The following RBPJ variants were observed in gnomAD, a reference collection of about 807,000 sequenced individuals.
RBPJ encodes recombining binding protein suppressor of hairless.
RBPJ carries 9 observed loss-of-function variants against 67.8 expected under a neutral mutation model. The observed-to-expected ratio is 0.13, with a 90% CI of 0.08 to 0.23. The LOEUF (loss-of-function observed/expected upper bound fraction) is 0.23. Among genes scored for constraint, RBPJ ranks in the 10% least tolerant of loss-of-function variants. The pLI is 1.00. For synonymous variants in RBPJ, 198 were observed against 203.3 expected (o/e 0.97, Z 0.22); for missense variants, 305 against 595.6 (o/e 0.51, Z 5.08).
chr4:26,294,459 C>T (rs1721792897), intron 1 of RBPJ, among the ~76,000 whole-genome samples: 1 of 152,014 alleles, frequency 6.6e-6, no homozygotes, highest in Admixed American at 6.6e-5. Context: ...CTCCAGATGT[C>T]GTGTAGAGAG....
chr4:26,356,571 TTCTTTA>T (rs2109471209), intron 1 of RBPJ, among the ~76,000 whole-genome samples: 1 of 152,366 alleles, frequency 6.6e-6, no homozygotes, highest in Admixed American at 6.5e-5. Context: ...AGTTTGGGTT[TTCTTTA>T]TCTTTACTTT....
At chr4:26,309,842 T>G (rs1045467805) in intron 1 of RBPJ, among the ~76,000 whole-genome samples, 2 of 152,228 alleles carry the variant, frequency 1.3e-5, no homozygotes, top group Non-Finnish European at 2.9e-5. Context: ...GTTCATGTTA[T>G]AAAAAGAACA....
At chr4:26,171,207 G>A (rs964095263) in intron 1 of RBPJ, among the ~76,000 whole-genome samples, 1 of 152,136 alleles carries the variant, frequency 6.6e-6, no homozygotes, top group African/African-American at 2.4e-5. Context: ...AGTTTCACAT[G>A]AAATATTTCT....
At chr4:26,365,373 T>A (rs1451780019) in intron 1 of RBPJ, among the ~76,000 whole-genome samples, 1 of 152,206 alleles carries the variant, frequency 6.6e-6, no homozygotes, top group Non-Finnish European at 1.5e-5. Flanking sequence ...TTATCCATGA[T>A]CATCTTATCC....
At chr4:26,255,637 C>A (rs1179316112) in intron 1 of RBPJ, among the ~76,000 whole-genome samples, 1 of 150,098 alleles carries the variant, frequency 6.7e-6, no homozygotes, top group Non-Finnish European at 1.5e-5. Context: ...CCCGTCTCTA[C>A]TAAAAATACA....
At chr4:26,218,226 T>G (rs1280806925) in intron 1 of RBPJ, among the ~76,000 whole-genome samples, 1 of 152,190 alleles carries the variant, frequency 6.6e-6, no homozygotes, top group Admixed American at 6.5e-5. Context: ...CTGTCGCCGG[T>G]GGGTACGTGC....
chr4:26,277,861 T>C lies in RBPJ; in HGVS notation c.-166-84585T>C, dbSNP rs191816897. Among the ~76,000 whole-genome samples the C allele has an allele frequency of 1.2e-4, 19 of 152,386 alleles. No individual in the cohort carries two copies. In the East Asian group the frequency reaches 3.7e-3, roughly 29 times the overall value. The stretch of plus-strand genomic sequence containing the variant: ...TGTATTACTCTCTCCCATAGGTTTC[T>C]ATCGGGCTTTAAAATATTCGATTCA... On this transcript the variant is annotated intron_variant, in intron 1 of 4. Transcript: ENST00000512351.
Position 26,264,838 on chromosome 4 carries a change from G to T in RBPJ, c.-166-97608G>T, listed in dbSNP as rs1720653896. 6.6e-6 allele frequency among the ~76,000 whole-genome samples: 1 copy of T among 152,150 alleles called. No homozygotes were observed. Among genetic ancestry groups the T allele is most frequent in the Non-Finnish European group, 1.5e-5 (1 of 68,016 alleles). Reference sequence around the variant, plus strand: ...TGGTTTGCCTTAAGTTATTGTAGAGGCAAAGAAAATTTCCTTCTCCTTTTG... The same window carrying T: ...TGGTTTGCCTTAAGTTATTGTAGAGTCAAAGAAAATTTCCTTCTCCTTTTG... On this transcript the variant is annotated intron_variant, in intron 1 of 4. Transcript: ENST00000512351. The surrounding 1 kb of genome is among the most constrained non-coding windows in gnomAD (Gnocchi z 4.1).
At chr4:26,179,826 C>G (rs1459175374) in intron 1 of RBPJ, among the ~76,000 whole-genome samples, 4 of 152,102 alleles carry the variant, frequency 2.6e-5, no homozygotes, top group African/African-American at 9.7e-5. Context: ...GGTATATACC[C>G]AAAGGACTAT....
intron 1 of RBPJ, among the ~76,000 whole-genome samples, chr4:26,364,609 T>C (rs1728422338): frequency 1.3e-5 from 2 of 151,398 alleles, no homozygotes; most frequent in Admixed American, 1.3e-4. Context: ...TTTTTTTTTT[T>C]TTTCTTTTTC....
chr4:26,402,841 A>G (rs1399103863), intron 2 of RBPJ, among the ~76,000 whole-genome samples: 2 of 152,168 alleles, frequency 1.3e-5, no homozygotes, highest in East Asian at 1.9e-4. Flanking sequence ...ATGCATAGAT[A>G]CTTCCAACAG....
chr4:26,161,028 G>A (rs944739132), upstream of RBPJ, among the ~76,000 whole-genome samples: 8 of 152,262 alleles, frequency 5.3e-5, no homozygotes, highest in African/African-American at 1.9e-4. Context: ...ACTGCCAAGA[G>A]GCAGAGGTTA....
intron 1 of RBPJ, among the ~76,000 whole-genome samples, chr4:26,185,315 G>A (rs547957025): frequency 1.3e-5 from 2 of 152,068 alleles, no homozygotes; most frequent in East Asian, 3.9e-4. Flanking sequence ...CCCTCTGCCT[G>A]TGTCAAATGG....
At chr4:26,178,357 C>T (rs532159001) in intron 1 of RBPJ, among the ~76,000 whole-genome samples, 3 of 152,214 alleles carry the variant, frequency 2.0e-5, no homozygotes, top group African/African-American at 4.8e-5. Flanking sequence ...AGGCCCAGGC[C>T]GGGCATAGTG....
At chr4:26,373,966 T>A (rs1441170842) in intron 1 of RBPJ, among the ~76,000 whole-genome samples, 5 of 144,990 alleles carry the variant, frequency 3.4e-5, no homozygotes. Context: ...TCACCCAGGC[T>A]GGAGTGCAGT....
intron 1 of RBPJ, among the ~76,000 whole-genome samples, chr4:26,249,313 G>A (rs938984462): frequency 3.3e-5 from 5 of 152,108 alleles, no homozygotes; most frequent in Admixed American, 1.3e-4. Flanking sequence ...CTGAATGTCT[G>A]TGTTCCCTCA....
At chr4:26,127,944 C>T in the RBPJ span, among the ~76,000 whole-genome samples, 11 of 152,316 alleles carry the variant, frequency 7.2e-5, no homozygotes, top group South Asian at 2.3e-3. Flanking sequence ...ACTCCCTGCT[C>T]CCACCTTTCA....
chr4:26,147,782 A>G, the RBPJ span, among the ~76,000 whole-genome samples: 1 of 152,212 alleles, frequency 6.6e-6, no homozygotes, highest in Non-Finnish European at 1.5e-5. Context: ...ATAAAAATCC[A>G]TGAAATCAAA....
chr4:26,427,951 T>A (rs527709729), intron 7 of RBPJ, among the ~76,000 whole-genome samples: 27 of 152,286 alleles, frequency 1.8e-4, no homozygotes, highest in African/African-American at 6.5e-4. Flanking sequence ...ATATAGGGTT[T>A]GATAGTATTA....
Sources: allele counts gnomAD v4.1 joint callset (sites outside exome capture counted in the v4.1 genomes callset), GRCh38; gene constraint gnomAD v4.1.1; non-coding constraint Gnocchi (gnomAD v3.1); transcripts MANE v1.5; gene names NCBI Gene and HGNC (gene_info 2026-07-23, HGNC 2026-07-21).